The following NCKAP1L variants were observed in gnomAD, a reference collection of about 807,000 sequenced individuals.
The protein encoded by NCKAP1L is NCK associated protein 1 like.
A neutral mutation model predicts 139.2 loss-of-function variants in NCKAP1L; 53 were observed. The ratio of observed to expected loss-of-function variants is 0.38; its 90% CI spans 0.31 to 0.48. The LOEUF (loss-of-function observed/expected upper bound fraction) is 0.48, where lower values mean the gene tolerates loss of function less well. NCKAP1L is among the 20% of genes least tolerant of loss of function. The pLI is 0.98. For synonymous variants in NCKAP1L, 468 were observed against 499.7 expected (o/e 0.94, Z 0.85); for missense variants, 1,151 against 1,381.9 (o/e 0.83, Z 2.65).
At chr12:54,534,743 A>C (rs536844587) in intron 26 of NCKAP1L, among the ~76,000 whole-genome samples, 1 of 152,304 alleles carries the variant, frequency 6.6e-6, no homozygotes, top group East Asian at 1.9e-4. Context: ...TGAAAAAGTA[A>C]ATTTGTACGA....
intron 29 of NCKAP1L, among the ~76,000 whole-genome samples, chr12:54,538,142 G>A (rs955272446): frequency 6.6e-5 from 10 of 152,122 alleles, no homozygotes; most frequent in African/African-American, 2.4e-4. Flanking sequence ...GAAACACAGC[G>A]GATCATATTG....
chr12:54,518,521 T>TG, intron 13 of NCKAP1L, 130 bp from the exon 14 acceptor site: 2 of 785,660 alleles, frequency 2.5e-6, no homozygotes, highest in Non-Finnish European at 4.5e-6. Flanking sequence ...ATCTCTTGCT[T>TG]GGCTTTTTCT....
chr12:54,515,613 G>A (rs574630427), intron 9 of NCKAP1L, among the ~76,000 whole-genome samples: 1 of 152,230 alleles, frequency 6.6e-6, no homozygotes, highest in Non-Finnish European at 1.5e-5. Context: ...TGTCTCTTTA[G>A]AGAAGTTTGG....
chr12:54,527,997 C>A (rs530567613), intron 21 of NCKAP1L, among the ~76,000 whole-genome samples: 2 of 152,278 alleles, frequency 1.3e-5, no homozygotes, highest in East Asian at 3.9e-4. Context: ...GGAGTGCATG[C>A]TATTGCATTT....
intron 3 of NCKAP1L, among the ~76,000 whole-genome samples, chr12:54,506,573 T>C (rs1333112162): frequency 1.3e-5 from 2 of 150,390 alleles, no homozygotes; most frequent in Non-Finnish European, 3.0e-5. Flanking sequence ...ATTACAGGCA[T>C]GTGCCACCAC....
In NCKAP1L at chr12:54,503,146, C is replaced by T. The variant is rs532035853; in HGVS notation, c.306+2521C>T. 3.3e-5 allele frequency among the ~76,000 whole-genome samples: 5 copies of T among 151,990 alleles called. No individual in the cohort carries two copies. In the South Asian group the frequency reaches 1.0e-3, roughly 32 times the overall value. ...ATCTAGAATGATTTCCAGCCTTTGT[C>T]TTGTATGACACTGACATTTTTGAAG... On this transcript the variant is annotated intron_variant, in intron 3 of 30. Coordinates refer to ENST00000293373, the MANE Select transcript of NCKAP1L (RefSeq NM_005337.5).
chr12:54,502,878 G>C (rs1318168331), intron 3 of NCKAP1L, among the ~76,000 whole-genome samples: 1 of 146,326 alleles, frequency 6.8e-6, no homozygotes, highest in African/African-American at 2.5e-5. Context: ...AGTGCCTGTA[G>C]TCCCAGCTGC....
Position 54,547,637 on chromosome 12 carries a change from C to T in NCKAP1L, c.*4952C>T, listed in dbSNP as rs1245946943. ...GAGAGCCCTCTGGATGTATGTCTTG[C>T]CTCTTTCCCACCTATTCTAGTTTAA... On this transcript the variant is annotated 3_prime_UTR_variant, in exon 31 of 31. Coordinates refer to ENST00000293373, the MANE Select transcript of NCKAP1L (RefSeq NM_005337.5). 6.6e-6 allele frequency: 1 copy of T among 151,918 alleles called. No individual in the cohort carries two copies. The highest frequency in any genetic ancestry group is 6.6e-5 in the Admixed American group (1 of 15,234). 9.4% of individuals were successfully genotyped at this position (151,918 alleles called of 1,614,324 possible).
intron 20 of NCKAP1L, 88 bp from the exon 21 acceptor site, chr12:54,526,440 G>A: frequency 1.9e-6 from 2 of 1,033,218 alleles, no homozygotes; most frequent in Non-Finnish European, 2.9e-6. Context: ...TCCTAGCACA[G>A]CACCTGGAAC....
At position 54,511,805 on chromosome 12, in the gene NCKAP1L, G is replaced by T; in HGVS notation, c.738G>T (p.Met246Ile). 1 of 1,613,990 alleles carries T rather than the reference G, an allele frequency of 6.2e-7. No homozygotes were observed. Residue 246 changes from methionine (M) to isoleucine (I), a missense_variant and splice_region_variant, in exon 8 of 31, where the codon ATG (methionine) becomes ATT (isoleucine). By Grantham distance (10) the Met-to-Ile change is conservative. Transcript: ENST00000293373. ...CATCTTTGCTTCTCTTCTCACAGAT[G>T]GCCTGTGAGTATCTGTCTGTGGAAG... The part of the protein sequence containing the change: ...AMINPANSDT[M>I]ACEYLSVEVM...
rs1956976125 is a variant in NCKAP1L, at chr12:54,520,796, C to T, written c.1728C>T (p.Val576=). 6.2e-7 allele frequency: 1 copy of T among 1,614,126 alleles called. No individual in the cohort carries two copies. Among genetic ancestry groups the T allele is most frequent in the Non-Finnish European group, 8.5e-7 (1 of 1,180,026 alleles). ...TCCCCCTGATTTGTGCTCACTTTGTCCACTGCACTCATGAGATGTGCCCAG... is the reference window on the plus strand; with the variant it reads ...TCCCCCTGATTTGTGCTCACTTTGTTCACTGCACTCATGAGATGTGCCCAG... ...IAFPLICAHF[V]HCTHEMCPEE... is the part of the protein sequence containing the mutation. Residue 576 remains valine, a synonymous_variant, in exon 17 of 31, where the codon GTC becomes GTT. Transcript: ENST00000293373.
At chr12:54,514,215 C>G (rs944847611) in intron 9 of NCKAP1L, among the ~76,000 whole-genome samples, 3 of 152,030 alleles carry the variant, frequency 2.0e-5, no homozygotes, top group African/African-American at 7.2e-5. Flanking sequence ...ACAAAATCCT[C>G]TATTGATGGA....
At chr12:54,504,692 A>G (rs1208063370) in intron 3 of NCKAP1L, among the ~76,000 whole-genome samples, 2 of 152,222 alleles carry the variant, frequency 1.3e-5, no homozygotes, top group African/African-American at 4.8e-5. Flanking sequence ...TTTACCACTT[A>G]CAAACTGTAT....
At chr12:54,511,573 A>G (rs1246164622) in intron 7 of NCKAP1L, among the ~76,000 whole-genome samples, 1 of 152,062 alleles carries the variant, frequency 6.6e-6, no homozygotes, top group Non-Finnish European at 1.5e-5. Context: ...TGTCTGGCTA[A>G]TTTTTAAATT....
rs753722341 is a variant in NCKAP1L at position 54,520,809 on chromosome 12, G to A, written c.1741G>A (p.Glu581Lys). The A allele has an allele frequency of 1.3e-5, 21 of 1,614,132 alleles. No individual in the cohort carries two copies. The highest frequency in any genetic ancestry group is 1.8e-5 in the Non-Finnish European group (21 of 1,180,032). ...TGCTCACTTTGTCCACTGCACTCAT[G>A]AGATGTGCCCAGAGGAGGTAGGTAT... ...ICAHFVHCTH[E>K]MCPEEYPHLK... is the part of the protein sequence containing the mutation. The change falls in exon 17 of 31, where the codon GAG (glutamate) becomes AAG (lysine). Residue 581 changes from glutamate (E) to lysine (K), a missense_variant. Glu to Lys is a moderately conservative substitution (Grantham distance 56). Transcript: ENST00000293373.
chr12:54,509,010 C>T (rs937191662), intron 5 of NCKAP1L, among the ~76,000 whole-genome samples: 1 of 152,158 alleles, frequency 6.6e-6, no homozygotes, highest in Non-Finnish European at 1.5e-5. Flanking sequence ...CTGGCTTCTA[C>T]TCTGATTTTC....
At chr12:54,533,582 T>A (rs941824445) in intron 26 of NCKAP1L, among the ~76,000 whole-genome samples, 2 of 152,088 alleles carry the variant, frequency 1.3e-5, no homozygotes, top group Non-Finnish European at 2.9e-5. Flanking sequence ...GGATTCTTTT[T>A]TTTTTTCTTG....
intron 18 of NCKAP1L, among the ~76,000 whole-genome samples, chr12:54,521,890 G>C (rs528214467): frequency 4.0e-5 from 6 of 150,374 alleles, no homozygotes; most frequent in Admixed American, 4.0e-4. Flanking sequence ...GTGTGTATGT[G>C]TGTGTGTGTG....
intron 2 of NCKAP1L, among the ~76,000 whole-genome samples, chr12:54,500,118 T>C (rs1956785091): frequency 1.6e-5 from 1 of 64,132 alleles, no homozygotes; most frequent in Non-Finnish European, 2.5e-5. Flanking sequence ...TTCTTTTTCT[T>C]TTCTTTTCTT....
Sources: gnomAD v4.1 joint callset for allele counts (sites outside exome capture counted in the v4.1 genomes callset) on GRCh38, gnomAD v4.1.1 for gene constraint, MANE v1.5 for transcripts, NCBI Gene and HGNC (gene_info 2026-07-23, HGNC 2026-07-21) for gene names.